Variants in SPRR2F observed in about 807,000 individuals in gnomAD.
SPRR2F encodes the protein small proline rich protein 2F, also known as small proline-rich protein 2F.
SPRR2F carries 2 observed loss-of-function variants against 0.8 expected under a neutral mutation model. The observed-to-expected ratio is 2.52, with a 90% CI of 1.03 to 7.95. SPRR2F has a LOEUF of 7.95. SPRR2F is among the 30% of genes most tolerant of loss of function. The pLI, the probability that SPRR2F is intolerant of heterozygous loss-of-function variation, is 0.04. For missense variants in SPRR2F, 80 were observed against 85.8 expected (o/e 0.93, Z 0.27); for synonymous variants, 39 against 33.4 (o/e 1.17, Z -0.58).
chr1:153,112,813 G>T, intron 1 of SPRR2F, 61 bp from the exon 2 acceptor site: 1 of 1,602,242 alleles, frequency 6.2e-7, no homozygotes, highest in Non-Finnish European at 8.5e-7. Context: ...AGAAGCCAAA[G>T]CTTATGTAAT....
chr1:153,112,810 A>G, intron 1 of SPRR2F, 58 bp from the exon 2 acceptor site: 2 of 1,603,550 alleles, frequency 1.2e-6, no homozygotes, highest in Non-Finnish European at 1.7e-6. Context: ...GAGAGAAGCC[A>G]AAGCTTATGT....
chr1:153,119,075 C>T, the SPRR2F span, among the ~76,000 whole-genome samples: 1 of 151,756 alleles, frequency 6.6e-6, no homozygotes, highest in African/African-American at 2.4e-5. Context: ...CATTGTAACC[C>T]CAAAATAAAT....
In SPRR2F at chr1:153,112,239, T is replaced by G; in HGVS notation, c.*276A>C. 1.9e-6 allele frequency: 1 copy of G among 520,522 alleles called. No homozygotes were observed. Among genetic ancestry groups the G allele is most frequent in the Non-Finnish European group, 3.2e-6 (1 of 308,450 alleles). 32.2% of individuals were successfully genotyped at this position (520,522 alleles called of 1,614,324 possible). A position where few individuals can be genotyped will look rare whatever the true frequency, so the allele number is the denominator to read the frequency against. Reference sequence around the variant, plus strand: ...AACATCAACAGAATTCTCTAATGGTTCCCAGGGAGAGAGCTGCTCTTTCTT... The same window carrying G: ...AACATCAACAGAATTCTCTAATGGTGCCCAGGGAGAGAGCTGCTCTTTCTT... On this transcript the variant is annotated 3_prime_UTR_variant, in exon 2 of 2. Transcript: ENST00000468739.
upstream of SPRR2F, among the ~76,000 whole-genome samples, chr1:153,118,013 A>T (rs149141657): frequency 1.3e-5 from 2 of 152,124 alleles, no homozygotes; most frequent in Non-Finnish European, 2.9e-5. Context: ...AGAACTAAAC[A>T]TAATTTTACC....
upstream of SPRR2F, among the ~76,000 whole-genome samples, chr1:153,116,598 A>G (rs1255600286): frequency 1.3e-5 from 2 of 152,126 alleles, no homozygotes; most frequent in Non-Finnish European, 2.9e-5. Flanking sequence ...TTTTATTATT[A>G]TACCCCAACA....
At chr1:153,116,620 C>T (rs1655726543), upstream of SPRR2F, among the ~76,000 whole-genome samples, 1 of 152,090 alleles carries the variant, frequency 6.6e-6, no homozygotes, top group Non-Finnish European at 1.5e-5. Context: ...TTAATTACCT[C>T]CCTATTATAA....
intron 1 of SPRR2F, among the ~76,000 whole-genome samples, chr1:153,113,092 C>G (rs1432622991): frequency 6.6e-6 from 1 of 152,184 alleles, no homozygotes; most frequent in Non-Finnish European, 1.5e-5. Context: ...TTATCATTAT[C>G]TGTTGTAAAA....
At position 153,112,419 on chromosome 1, in the gene SPRR2F, C is replaced by A; in HGVS notation, c.*96G>T. 6.5e-7 allele frequency: 1 copy of A among 1,531,440 alleles called. No homozygotes were observed. The highest frequency in any genetic ancestry group is 2.5e-4 in the Middle Eastern group (1 of 4,060). 94.9% of individuals were successfully genotyped at this position (1,531,440 alleles called of 1,614,324 possible). A position where few individuals can be genotyped will look rare whatever the true frequency, so the allele number is the denominator to read the frequency against. ...AGAGGAAAGAAGCTCCCTGTGTATC[C>A]CTGGATGGCTTTGATGAGAAGATGC... On this transcript the variant is annotated 3_prime_UTR_variant, in exon 2 of 2. Transcript: ENST00000468739.
chr1:153,114,993 A>G (rs1655694507), upstream of SPRR2F, among the ~76,000 whole-genome samples: 1 of 152,196 alleles, frequency 6.6e-6, no homozygotes, highest in African/African-American at 2.4e-5. Context: ...GGAAAGACTC[A>G]AAATCATTGG....
At chr1:153,115,240 G>C (rs140431075), upstream of SPRR2F, among the ~76,000 whole-genome samples, 1 of 152,216 alleles carries the variant, frequency 6.6e-6, no homozygotes, top group East Asian at 1.9e-4. Flanking sequence ...AGACTATTAC[G>C]CATGCTAAGC....
At chr1:153,114,540 T>A (rs991205433), upstream of SPRR2F, among the ~76,000 whole-genome samples, 7 of 152,144 alleles carry the variant, frequency 4.6e-5, no homozygotes, top group Admixed American at 4.6e-4. Context: ...AGAGTGGAGA[T>A]GGTCAGCGCA....
At chr1:153,114,097 C>T (rs1655669102), upstream of SPRR2F, among the ~76,000 whole-genome samples, 1 of 142,950 alleles carries the variant, frequency 7.0e-6, no homozygotes, top group South Asian at 2.3e-4. Context: ...TCATACTTAC[C>T]TCTGGAGATG....
At chr1:153,117,230 A>C (rs1377204902), upstream of SPRR2F, among the ~76,000 whole-genome samples, 1 of 152,064 alleles carries the variant, frequency 6.6e-6, no homozygotes, top group East Asian at 1.9e-4. Context: ...ACTTACTCTT[A>C]TGTGGTGAAA....
At chr1:153,118,945 A>G in the SPRR2F span, among the ~76,000 whole-genome samples, 1 of 152,230 alleles carries the variant, frequency 6.6e-6, no homozygotes, top group Non-Finnish European at 1.5e-5. Flanking sequence ...TAATTGGTGA[A>G]ATCAATAACA....
chr1:153,116,062 T>C (rs1655717093), upstream of SPRR2F, among the ~76,000 whole-genome samples: 1 of 152,126 alleles, frequency 6.6e-6, no homozygotes, highest in Admixed American at 6.5e-5. Flanking sequence ...GAAACAGGAA[T>C]TGTGGGAAGA....
At chr1:153,113,185 T>G (rs541432853) in intron 1 of SPRR2F, among the ~76,000 whole-genome samples, 1 of 152,158 alleles carries the variant, frequency 6.6e-6, no homozygotes, top group Non-Finnish European at 1.5e-5. Context: ...ACATAAACCT[T>G]TGAAAAGGAC....
At chr1:153,117,885 G>A (rs1280176999), upstream of SPRR2F, among the ~76,000 whole-genome samples, 1 of 152,010 alleles carries the variant, frequency 6.6e-6, no homozygotes, top group Non-Finnish European at 1.5e-5. Flanking sequence ...GAAAAACTCT[G>A]GAGTGGAAAA....
the SPRR2F span, among the ~76,000 whole-genome samples, chr1:153,118,904 A>G: frequency 6.6e-6 from 1 of 152,350 alleles, no homozygotes. Context: ...ATTATAAGCC[A>G]AAGTTAGTGG....
upstream of SPRR2F, among the ~76,000 whole-genome samples, chr1:153,117,595 C>A (rs1398392643): frequency 6.6e-6 from 1 of 152,010 alleles, no homozygotes; most frequent in Non-Finnish European, 1.5e-5. Flanking sequence ...TTAGCATTAA[C>A]CTTCCCAAAG....
Sources: allele counts gnomAD v4.1 joint callset (sites outside exome capture counted in the v4.1 genomes callset), GRCh38; gene constraint gnomAD v4.1.1; transcripts MANE v1.5; gene names NCBI Gene and HGNC (gene_info 2026-07-23, HGNC 2026-07-21).